The following PWWP2A variants were observed in gnomAD, a reference collection of about 807,000 sequenced individuals.
PWWP2A encodes PWWP domain containing 2A.
A neutral mutation model predicts 48.5 loss-of-function variants in PWWP2A; 18 were observed. The ratio of observed to expected loss-of-function variants is 0.37; its 90% CI spans 0.26 to 0.55. The LOEUF is 0.55. PWWP2A is among the 20% of genes least tolerant of loss of function. PWWP2A has a pLI of 0.81. For synonymous variants in PWWP2A, 396 were observed against 387.7 expected, an observed-to-expected ratio of 1.02 and a Z score of -0.25; for missense variants, 867 against 976.4, an observed-to-expected ratio of 0.89 and a Z score of 1.49.
downstream of PWWP2A, among the ~76,000 whole-genome samples, chr5:160,075,110 C>G (rs960626452): frequency 2.6e-5 from 4 of 152,078 alleles, no homozygotes; most frequent in Non-Finnish European, 4.4e-5. Context: ...TATACATGAC[C>G]AGGATCAGTA....
chr5:160,083,326 G>A (rs1754377802), intron 2 of PWWP2A, among the ~76,000 whole-genome samples: 2 of 152,038 alleles, frequency 1.3e-5, no homozygotes, highest in African/African-American at 4.8e-5. Flanking sequence ...ATGACCCATG[G>A]GTAAAAATGA....
chr5:160,086,431 C>A (rs533075619), downstream of PWWP2A, among the ~76,000 whole-genome samples: 2 of 152,146 alleles, frequency 1.3e-5, no homozygotes, highest in Non-Finnish European at 2.9e-5. Flanking sequence ...GCAGGAGAAT[C>A]GCCTGAGCCC....
intron 3 of PWWP2A, among the ~76,000 whole-genome samples, chr5:160,080,489 A>C (rs1246991824): frequency 6.6e-6 from 1 of 152,178 alleles, no homozygotes; most frequent in Non-Finnish European, 1.5e-5. Context: ...TCATTCATTA[A>C]AACTATCACC....
At chr5:160,055,135 C>G in the PWWP2A span, among the ~76,000 whole-genome samples, 1 of 152,082 alleles carries the variant, frequency 6.6e-6, no homozygotes, top group Non-Finnish European at 1.5e-5. Context: ...AGCTTTGATT[C>G]CAGATAGAAA....
rs371543221 is a variant in PWWP2A, at chr5:160,093,298, T to C, written c.1352A>G (p.Asn451Ser). ...TGTGAAATGGACTTTTGAATGTGCA[T>C]TTTTGGAAGTAGAGGTTTCATTTTG... Reference protein sequence around the residue: ...KKQNETSTSKNAHSKVHFTRR... With the variant: ...KKQNETSTSKSAHSKVHFTRR... Residue 451 changes from asparagine to serine, a missense_variant, in exon 2 of 2, where the codon AAT becomes AGT. Around this residue, in one of 4 missense-constraint regions of PWWP2A, gnomAD observed 382 missense variants for 407.2 expected, o/e 0.94. Transcript: ENST00000307063. This position sits in a 1 kb window ranked among gnomAD's most constrained non-coding sequence, Gnocchi z 5.8. The C allele has an allele frequency of 4.3e-6, 7 of 1,613,868 alleles. No individual in the cohort carries two copies. The highest frequency in any genetic ancestry group is 1.6e-4 in the Middle Eastern group (1 of 6,084).
At chr5:160,061,851 G>C (rs1343602701) in exon 6 of PWWP2A, 1 of 152,352 alleles carries the variant, frequency 6.6e-6, no homozygotes, top group South Asian at 2.1e-4. Flanking sequence ...GGAAAATGGG[G>C]CTGGGAGCTG....
chr5:160,050,405 C>T, the PWWP2A span, among the ~76,000 whole-genome samples: 2 of 152,056 alleles, frequency 1.3e-5, no homozygotes, highest in African/African-American at 4.8e-5. Flanking sequence ...TGAGATTGCG[C>T]CACTGCACTC....
At chr5:160,067,616 C>T (rs1198277331) in intron 2 of PWWP2A, among the ~76,000 whole-genome samples, 1 of 152,178 alleles carries the variant, frequency 6.6e-6, no homozygotes, top group African/African-American at 2.4e-5. Context: ...TTATAGGATG[C>T]TACACAAGGC....
chr5:160,089,501 C>T (rs1297284983), downstream of PWWP2A: 28 of 1,259,076 alleles, frequency 2.2e-5, no homozygotes, highest in African/African-American at 2.0e-4. Context: ...AATGACCCAC[C>T]GCACCTGGCC....
chr5:160,092,592 T>C lies in PWWP2A; in HGVS notation c.2058A>G (p.Leu686=). The change falls in exon 2 of 2, where the codon TTA becomes TTG. Residue 686 remains leucine (L), a synonymous_variant. Transcript: ENST00000307063. ...ITVSRKDNGL[L]VRQEARISWF... Reference sequence around the variant, plus strand: ...ATGAAATACGGGCCTCCTGTCGGACTAAAAGGCCGTTATCTTTCCGGCTCA... The same window carrying C: ...ATGAAATACGGGCCTCCTGTCGGACCAAAAGGCCGTTATCTTTCCGGCTCA... The C allele has an allele frequency of 6.4e-7, 1 of 1,551,682 alleles. No individual in the cohort carries two copies. The highest frequency in any genetic ancestry group is 8.7e-7 in the Non-Finnish European group (1 of 1,146,972).
At chr5:160,070,509 T>C (rs1030299203) in intron 2 of PWWP2A, among the ~76,000 whole-genome samples, 9 of 152,140 alleles carry the variant, frequency 5.9e-5, no homozygotes, top group Non-Finnish European at 1.2e-4. Context: ...ACTATGCTTT[T>C]CCATGTGTGC....
chr5:160,048,368 C>T, the PWWP2A span, among the ~76,000 whole-genome samples: 10 of 151,892 alleles, frequency 6.6e-5, no homozygotes, highest in African/African-American at 2.2e-4. Context: ...GCTAGGCTGA[C>T]GGTCTCAAAG....
chr5:160,074,558 C>G (rs376724429), downstream of PWWP2A, among the ~76,000 whole-genome samples: 17 of 145,828 alleles, frequency 1.2e-4, 1 homozygote, highest in African/African-American at 4.3e-4. Flanking sequence ...ACCAGCCTGA[C>G]CAACAGGGAG....
downstream of PWWP2A, among the ~76,000 whole-genome samples, chr5:160,086,389 T>C (rs1211032725): frequency 6.6e-6 from 1 of 151,978 alleles, no homozygotes; most frequent in Non-Finnish European, 1.5e-5. Context: ...GGTGTGATGG[T>C]ATGTGTCTGT....
At chr5:160,060,873 G>T (rs1210918843), downstream of PWWP2A, among the ~76,000 whole-genome samples, 1 of 152,196 alleles carries the variant, frequency 6.6e-6, no homozygotes, top group African/African-American at 2.4e-5. Flanking sequence ...TCTGGCTTCA[G>T]AGCCCATCTA....
chr5:160,058,439 C>G (rs1365480938), downstream of PWWP2A, among the ~76,000 whole-genome samples: 8 of 138,430 alleles, frequency 5.8e-5, no homozygotes, highest in Non-Finnish European at 1.1e-4. Context: ...GAGACGGAGT[C>G]TCGCTGTGTC....
intron 1 of PWWP2A, chr5:160,116,819 G>A (rs368709779): frequency 2.5e-5 from 25 of 983,782 alleles, no homozygotes; most frequent in Middle Eastern, 5.2e-4. Flanking sequence ...GAGGCCGGGC[G>A]AGGTGGCTCA....
the PWWP2A span, among the ~76,000 whole-genome samples, chr5:160,045,493 C>T: frequency 3.0e-4 from 35 of 117,102 alleles, no homozygotes; most frequent in East Asian, 5.5e-4. Flanking sequence ...CACACACACA[C>T]ACACACACAC....
intron 1 of PWWP2A, chr5:160,105,690 G>C (rs1257635326): frequency 1.0e-6 from 1 of 972,702 alleles, no homozygotes. Flanking sequence ...ATGAGAGAAA[G>C]AGAAAAAGAT....
Sources: allele counts gnomAD v4.1 joint callset (sites outside exome capture counted in the v4.1 genomes callset), GRCh38; gene constraint gnomAD v4.1.1; regional missense constraint gnomAD v4.1.1; non-coding constraint Gnocchi (gnomAD v3.1); transcripts MANE v1.5; gene names NCBI Gene and HGNC (gene_info 2026-07-23, HGNC 2026-07-21).